CAPN11: variants seen among roughly 807,000 people sequenced by gnomAD.
The protein encoded by CAPN11 is calpain 11.
A neutral mutation model predicts 105.3 loss-of-function variants in CAPN11; 108 were observed. The ratio of observed to expected loss-of-function variants is 1.03; its 90% CI spans 0.88 to 1.20. The LOEUF is 1.20. CAPN11 is among the 50% of genes most tolerant of loss of function. CAPN11 has a pLI of 0.00. For synonymous variants in CAPN11, 329 were observed against 344.5 expected (o/e 0.96, Z 0.50); for missense variants, 883 against 924.8 (o/e 0.95, Z 0.59).
rs1256356609 is a variant in CAPN11 at position 44,183,225 on chromosome 6, G to A, written c.2124G>A (p.Lys708=). The A allele has an allele frequency of 4.4e-6, 7 of 1,608,764 alleles. No homozygotes were observed. Among genetic ancestry groups the A allele is most frequent in the African/African-American group, 2.7e-5 (2 of 74,784 alleles). ...DSFISCFLRL[K]TMFTFFLTMD... ...TCATCAGCTGTTTCCTGAGGCTAAA[G>A]ACCATGTTCAGTGAGTTAGGCATCT... Residue 708 remains lysine (K), a synonymous_variant, in exon 21 of 23, where the codon AAG becomes AAA. Coordinates refer to ENST00000398776, the MANE Select transcript of CAPN11 (RefSeq NM_007058.4).
At position 44,163,688 on chromosome 6, in the gene CAPN11, C is replaced by T. The variant is rs533627885; in HGVS notation, c.17-3070C>T. Among the ~76,000 whole-genome samples the T allele has an allele frequency of 9.2e-5, 14 of 152,288 alleles. No individual in the cohort carries two copies. In the South Asian group the frequency reaches 2.5e-3, roughly 27 times the overall value. On this transcript the variant is annotated intron_variant, in intron 1 of 22. Transcript: ENST00000398776. ...GCCAGACATGTAGTGAGCCCTCAAA[C>T]GCTGCTAACTATTATTATTTTTAGA...
In CAPN11 at chr6:44,177,375, G is replaced by A. The variant is rs1477466579; in HGVS notation, c.1371G>A (p.Arg457=). The change falls in exon 12 of 23, where the codon CGG becomes CGA. Residue 457 remains arginine, a synonymous_variant. Transcript: ENST00000398776. The part of the protein sequence containing the change: ...ALMQKNWRHA[R]QQGAQLQTIG... ...TGCAGAAGAACTGGCGGCATGCACG[G>A]CAGCAGGGAGCCCAGCTGCAGACCA... The A allele has an allele frequency of 6.2e-7, 1 of 1,613,814 alleles. No homozygotes were observed.
At position 44,173,357 on chromosome 6, in the gene CAPN11, C is replaced by A; in HGVS notation, c.802C>A (p.Arg268=). Residue 268 remains arginine (R), a synonymous_variant, in exon 7 of 23, where the codon CGA becomes AGA. Transcript: ENST00000398776. ...LLRLLRKAVE[R]SSLMGCSIEV... The stretch of plus-strand genomic sequence containing the variant: ...CAGGCTCCTTAGGAAGGCCGTGGAG[C>A]GATCCTCCCTCATGGGTTGCTCCAT... 4 of 1,612,726 alleles carry A rather than the reference C, an allele frequency of 2.5e-6. No homozygotes were observed. The highest frequency in any genetic ancestry group is 3.4e-6 in the Non-Finnish European group (4 of 1,179,368).
intron 5 of CAPN11, 98 bp from the exon 6 acceptor site, chr6:44,172,842 A>T (rs1771246962): frequency 1.3e-5 from 17 of 1,344,476 alleles, no homozygotes; most frequent in Non-Finnish European, 1.5e-5. Flanking sequence ...GATTCTGGAG[A>T]GTGGAGCCTC....
intron 19 of CAPN11, among the ~76,000 whole-genome samples, 188 bp downstream of exon 19, chr6:44,181,508 A>T (rs1409598662): frequency 8.3e-6 from 1 of 120,466 alleles, no homozygotes; most frequent in African/African-American, 3.3e-5. Flanking sequence ...ACACACACAC[A>T]CTCACATACA....
chr6:44,173,696 C>T (rs1771441322), intron 7 of CAPN11, among the ~76,000 whole-genome samples: 1 of 152,046 alleles, frequency 6.6e-6, no homozygotes, highest in Non-Finnish European at 1.5e-5. Flanking sequence ...GATTCTCCTC[C>T]CTCAGCCTCC....
intron 21 of CAPN11, 39 bp from the exon 22 acceptor site, chr6:44,183,666 A>G: frequency 6.3e-7 from 1 of 1,598,704 alleles, no homozygotes; most frequent in Non-Finnish European, 8.6e-7. Flanking sequence ...ACACTGACTT[A>G]GCATTCAGCC....
chr6:44,176,523 G>A (rs974029340), intron 9 of CAPN11, 58 bp from the exon 10 acceptor site: 98 of 1,508,732 alleles, frequency 6.5e-5, no homozygotes, highest in Non-Finnish European at 8.9e-5. Context: ...CCCCTGGAGA[G>A]GAAGGAGGTG....
intron 19 of CAPN11, among the ~76,000 whole-genome samples, chr6:44,181,742 TCACACA>T (rs1190605994): frequency 1.0e-3 from 6 of 5,784 alleles, no homozygotes; most frequent in East Asian, 2.5e-3. Context: ...CACACCACAC[TCACACA>T]CACACATACA....
At position 44,158,955 on chromosome 6, in the gene CAPN11, G is replaced by T. The variant is rs1051315715; in HGVS notation, c.16+91G>T. 3.7e-6 allele frequency: 4 copies of T among 1,084,314 alleles called. No individual in the cohort carries two copies. The African/African-American group carries it at 5.3e-5, about 14-fold the overall frequency. The allele number at this position is 1,084,314 out of a possible 1,614,324, so 67.2% of individuals were successfully genotyped here. A position where few individuals can be genotyped will look rare whatever the true frequency, so the allele number is the denominator to read the frequency against. ...AGGAGCTGTGTCCCGCATCAGACTG[G>T]GTGCCCCTTGAGGGTACAGAGAGTG... On this transcript the variant is annotated intron_variant, in intron 1 of 22. Transcript: ENST00000398776.
intron 1 of CAPN11, among the ~76,000 whole-genome samples, chr6:44,162,768 G>A (rs1014420554): frequency 3.3e-5 from 5 of 152,202 alleles, no homozygotes; most frequent in South Asian, 4.1e-4. Context: ...GGGAGGAATC[G>A]CATGGGAGGG....
At chr6:44,182,271 C>CTCACAT in intron 19 of CAPN11, among the ~76,000 whole-genome samples, 1 of 140,344 alleles carries the variant, frequency 7.1e-6, no homozygotes. Context: ...CACACACATA[C>CTCACAT]AGACACAACC....
At position 44,177,000 on chromosome 6, in the gene CAPN11, T is replaced by G; in HGVS notation, c.1237+2T>G. 1 of 1,608,786 alleles carries G rather than the reference T, an allele frequency of 6.2e-7. No homozygotes were observed. Among genetic ancestry groups the G allele is most frequent in the Non-Finnish European group, 8.5e-7 (1 of 1,177,954 alleles). On this transcript the variant is annotated splice_donor_variant, in intron 11 of 22. Coordinates refer to ENST00000398776, the MANE Select transcript of CAPN11 (RefSeq NM_007058.4). LOFTEE classifies it high-confidence loss of function. Reference sequence around the variant, plus strand: ...CAGGGGGCTGCAGGAACCACCCTGGTGGGTGAGGGGTGAGAGGGGAGGGGG... The same window carrying G: ...CAGGGGGCTGCAGGAACCACCCTGGGGGGTGAGGGGTGAGAGGGGAGGGGG...
chr6:44,181,079 G>C, intron 18 of CAPN11, 82 bp downstream of exon 18: 1 of 1,328,918 alleles, frequency 7.5e-7, no homozygotes, highest in Non-Finnish European at 1.1e-6. Context: ...GGCCAGCCAC[G>C]TCCTCCTCCC....
At chr6:44,163,506 C>G (rs545668902) in intron 1 of CAPN11, among the ~76,000 whole-genome samples, 1 of 152,228 alleles carries the variant, frequency 6.6e-6, no homozygotes, top group Non-Finnish European at 1.5e-5. Flanking sequence ...CATAGAGCAG[C>G]CTGCCCTGAC....
Position 44,172,334 on chromosome 6 carries a change from C to T in CAPN11, c.442C>T (p.Leu148Phe). 6.4e-7 allele frequency: 1 copy of T among 1,559,704 alleles called. No homozygotes were observed. The highest frequency in any genetic ancestry group is 8.7e-7 in the Non-Finnish European group (1 of 1,152,062). Residue 148 changes from leucine to phenylalanine, a missense_variant, in exon 5 of 23, where the codon CTT (leucine) becomes TTT (phenylalanine). Leu to Phe is a conservative substitution (Grantham distance 22). Transcript: ENST00000398776. ...CTGGCTGCTGGCTGCCATCGGCTCC[C>T]TTACCACCTGCCCCAAACTGCTATA... ...DCWLLAAIGS[L>F]TTCPKLLYRV...
intron 1 of CAPN11, among the ~76,000 whole-genome samples, chr6:44,162,207 C>T (rs76387358): frequency 0.017 from 2,600 of 152,162 alleles, 66 homozygotes; most frequent in African/African-American, 0.051. Flanking sequence ...CATCCTGATC[C>T]GCCAGCTTCA....
At chr6:44,183,416 T>C in intron 21 of CAPN11, 181 bp downstream of exon 21, 1 of 617,104 alleles carries the variant, frequency 1.6e-6, no homozygotes, top group Admixed American at 2.8e-5. Context: ...CACTTAATCT[T>C]TCTGTGCCTC....
Position 44,169,985 on chromosome 6 carries a change from G to A in CAPN11, c.409+10G>A. On this transcript the variant is annotated intron_variant, in intron 4 of 22. Coordinates refer to ENST00000398776, the MANE Select transcript of CAPN11 (RefSeq NM_007058.4). Reference sequence around the variant, plus strand: ...TGCCAGGGGATCCTCGGTGAGTGGGGCACAGGAAGCTGGTCTCCACCTGGG... The same window carrying A: ...TGCCAGGGGATCCTCGGTGAGTGGGACACAGGAAGCTGGTCTCCACCTGGG... The A allele has an allele frequency of 6.2e-7, 1 of 1,604,382 alleles. No homozygotes were observed. The highest frequency in any genetic ancestry group is 8.5e-7 in the Non-Finnish European group (1 of 1,173,990).
Sources: allele counts gnomAD v4.1 joint callset (sites outside exome capture counted in the v4.1 genomes callset), GRCh38; gene constraint gnomAD v4.1.1; transcripts MANE v1.5; gene names NCBI Gene and HGNC (gene_info 2026-07-23, HGNC 2026-07-21).